HERC5: variants seen among roughly 807,000 people sequenced by gnomAD.
The protein encoded by HERC5 is E3 ISG15--protein ligase HERC5.
A neutral mutation model predicts 119.6 loss-of-function variants in HERC5; 99 were observed. That is an observed-to-expected ratio of 0.83 (90% CI 0.70 to 0.98). HERC5 has a LOEUF of 0.98. Ranked by LOEUF, HERC5 falls within the 50% of genes least tolerant of loss-of-function variation. The pLI, the probability that HERC5 is intolerant of heterozygous loss-of-function variation, is 0.00. For missense variants in HERC5, 1,267 were observed against 1,241.3 expected (o/e 1.02, Z -0.31); for synonymous variants, 478 against 445.9 (o/e 1.07, Z -0.91).
In HERC5 at chr4:88,489,497, A is replaced by T. The variant is rs1741565459; in HGVS notation, c.2133+161A>T. On this transcript the variant is annotated intron_variant, in intron 16 of 22. Transcript: ENST00000264350. ...CCTAGTTGCCTTTGAGTTTTGGGTG[A>T]TAGCTGTGGGCACTCACTCAGTATG... Among the ~76,000 whole-genome samples, 3 of 152,012 alleles carry T rather than the reference A, an allele frequency of 2.0e-5. No individual in the cohort carries two copies. The South Asian group carries it at 6.2e-4, about 32-fold the overall frequency.
intron 2 of HERC5, 25 bp from the exon 3 acceptor site, chr4:88,460,070 C>G (rs760089558): frequency 8.0e-7 from 1 of 1,250,008 alleles, no homozygotes; most frequent in Non-Finnish European, 1.2e-6. Context: ...TGGTGATTAA[C>G]ACAAAGTGTA....
At chr4:88,468,564 A>G in intron 8 of HERC5, 142 bp downstream of exon 8, 1 of 571,966 alleles carries the variant, frequency 1.7e-6, no homozygotes, top group South Asian at 2.3e-5. Flanking sequence ...CTGATCCTTT[A>G]TTGTCTAAAC....
At chr4:88,499,834 C>G in intron 18 of HERC5, 92 bp from the exon 19 acceptor site, 1 of 874,184 alleles carries the variant, frequency 1.1e-6, no homozygotes, top group South Asian at 1.5e-5. Context: ...CTCATACCTT[C>G]AGAATAGCTA....
At chr4:88,504,988 T>G (rs936396710) in intron 22 of HERC5, among the ~76,000 whole-genome samples, 3 of 152,244 alleles carry the variant, frequency 2.0e-5, no homozygotes, top group African/African-American at 7.2e-5. Context: ...TATTTGTATC[T>G]TTAGGCTTAA....
chr4:88,462,066 T>C, intron 3 of HERC5, 69 bp from the exon 4 acceptor site: 1 of 1,305,814 alleles, frequency 7.7e-7, no homozygotes, highest in Non-Finnish European at 1.1e-6. Context: ...AGAGCATGCA[T>C]AATGCTTTAG....
intron 16 of HERC5, among the ~76,000 whole-genome samples, chr4:88,492,596 A>G (rs1741678925): frequency 6.6e-6 from 1 of 151,774 alleles, no homozygotes; most frequent in Non-Finnish European, 1.5e-5. Flanking sequence ...ATACAAAAAA[A>G]TTAGCCAGGC....
intron 11 of HERC5, 65 bp from the exon 12 acceptor site, chr4:88,475,776 C>A: frequency 1.5e-6 from 2 of 1,292,198 alleles, no homozygotes; most frequent in Non-Finnish European, 2.2e-6. Context: ...TGTTTTATTA[C>A]CATCAGTTGC....
At chr4:88,504,098 C>G in intron 20 of HERC5, 134 bp from the exon 21 acceptor site, 1 of 513,904 alleles carries the variant, frequency 1.9e-6, no homozygotes, top group South Asian at 3.7e-5. Flanking sequence ...TAGATAATCT[C>G]TAGTAACTAT....
intron 18 of HERC5, 83 bp from the exon 19 acceptor site, chr4:88,499,843 T>TAA (rs771621205): frequency 4.2e-5 from 39 of 937,042 alleles, no homozygotes; most frequent in Non-Finnish European, 6.4e-5. Context: ...TCAGAATAGC[T>TAA]ATACACTTGA....
rs1056326183 is a variant in HERC5, at chr4:88,504,250, G to C, written c.2601G>C (p.Lys867Asn). The stretch of plus-strand genomic sequence containing the variant: ...ATTAAAGGAGAGACTATGTTTCTAA[G>C]TATATCAATTACATTTTCAACGACT... ...NQTNKRDYVSKYINYIFNDSV... is the reference protein window; with the variant it reads ...NQTNKRDYVSNYINYIFNDSV... The change falls in exon 21 of 23, where the codon AAG becomes AAC. Residue 867 changes from lysine to asparagine, a missense_variant. This residue lies in a region of HERC5 where 473 missense variants were observed against 445.7 expected (regional missense o/e 1.06). Coordinates refer to ENST00000264350, the MANE Select transcript of HERC5 (RefSeq NM_016323.4). 2 of 1,596,782 alleles carry C rather than the reference G, an allele frequency of 1.3e-6. No homozygotes were observed. The highest frequency in any genetic ancestry group is 1.7e-6 in the Non-Finnish European group (2 of 1,167,028).
intron 6 of HERC5, among the ~76,000 whole-genome samples, chr4:88,465,933 C>T (rs1448831131): frequency 1.3e-5 from 2 of 152,140 alleles, no homozygotes; most frequent in Non-Finnish European, 2.9e-5. Flanking sequence ...CAGAATTTGC[C>T]AGCCAATCAG....
chr4:88,485,832 T>C (rs1741439835), intron 13 of HERC5, among the ~76,000 whole-genome samples: 1 of 151,866 alleles, frequency 6.6e-6, no homozygotes, highest in Non-Finnish European at 1.5e-5. Flanking sequence ...GGATATTGCA[T>C]TGTTTTTTTT....
At chr4:88,481,608 CA>C (rs1050254368) in intron 13 of HERC5, among the ~76,000 whole-genome samples, 33 of 152,076 alleles carry the variant, frequency 2.2e-4, no homozygotes, top group African/African-American at 8.0e-4. Flanking sequence ...TACCCTAAAT[CA>C]GGGGTCGGCA....
intron 8 of HERC5, 42 bp from the exon 9 acceptor site, chr4:88,469,115 T>G: frequency 7.2e-7 from 1 of 1,380,900 alleles, no homozygotes; most frequent in Non-Finnish European, 1.0e-6. Flanking sequence ...CTATCTCTGA[T>G]GTGTCTAAAT....
chr4:88,470,327 A>G (rs1209904719), intron 9 of HERC5, among the ~76,000 whole-genome samples: 1 of 152,224 alleles, frequency 6.6e-6, no homozygotes, highest in East Asian at 1.9e-4. Context: ...TTTGTTCAAG[A>G]AAGTTCTGAC....
chr4:88,505,294 G>A (rs1052518481), intron 22 of HERC5, among the ~76,000 whole-genome samples: 13 of 152,040 alleles, frequency 8.6e-5, no homozygotes, highest in Non-Finnish European at 1.5e-4. Context: ...TTAAAGGTCC[G>A]GCATAATTCT....
At chr4:88,483,492 G>A (rs1741352223) in intron 13 of HERC5, among the ~76,000 whole-genome samples, 1 of 150,838 alleles carries the variant, frequency 6.6e-6, no homozygotes, top group Admixed American at 6.6e-5. Context: ...GGATTACCCG[G>A]GTAAGCCACC....
At chr4:88,482,888 C>T (rs940220891) in intron 13 of HERC5, among the ~76,000 whole-genome samples, 1 of 151,996 alleles carries the variant, frequency 6.6e-6, no homozygotes. Flanking sequence ...GGCTCTGCCT[C>T]CCAAAGTGCT....
At chr4:88,483,161 C>T (rs1354438671) in intron 13 of HERC5, among the ~76,000 whole-genome samples, 1 of 151,944 alleles carries the variant, frequency 6.6e-6, no homozygotes, top group Admixed American at 6.6e-5. Flanking sequence ...ATGGACTATT[C>T]TTAGTTTCCA....
Sources: gnomAD v4.1 joint callset for allele counts (sites outside exome capture counted in the v4.1 genomes callset) on GRCh38, gnomAD v4.1.1 for gene constraint, gnomAD v4.1.1 regional missense constraint, MANE v1.5 for transcripts, NCBI Gene and HGNC (gene_info 2026-07-23, HGNC 2026-07-21) for gene names.